The following TOX3 variants were observed in gnomAD, a reference collection of about 807,000 sequenced individuals.
TOX3 encodes the protein CAG trinucleotide repeat-containing gene F9 protein.
In TOX3, 22 loss-of-function variants were observed where a neutral mutation model predicts 64.3. That is an observed-to-expected ratio of 0.34 (90% CI 0.24 to 0.49). TOX3 has a LOEUF of 0.49. Among genes scored for constraint, TOX3 ranks in the 20% least tolerant of loss-of-function variants. The pLI, the probability that TOX3 is intolerant of heterozygous loss-of-function variation, is 0.99. For synonymous variants in TOX3, 291 were observed against 273.6 expected (o/e 1.06, Z -0.63); for missense variants, 661 against 714.4 (o/e 0.93, Z 0.85).
At chr16:52,536,159 A>G (rs2151487686) in intron 1 of TOX3, among the ~76,000 whole-genome samples, 1 of 152,312 alleles carries the variant, frequency 6.6e-6, no homozygotes, top group East Asian at 1.9e-4. Context: ...ATCCTCATGA[A>G]GTTTACATTT....
At chr16:52,498,588 T>TG (rs562582817) in intron 1 of TOX3, among the ~76,000 whole-genome samples, 2,051 of 150,490 alleles carry the variant, frequency 0.014, 34 homozygotes, top group African/African-American at 0.037. Context: ...TTTGTGGGGT[T>TG]GGGGGGGGGA....
At chr16:52,464,226 T>A in intron 2 of TOX3, 38 bp from the exon 3 acceptor site, 1 of 1,413,844 alleles carries the variant, frequency 7.1e-7, no homozygotes. Context: ...TCATATTCTG[T>A]TCCTATATCT....
chr16:52,523,372 G>A (rs1431377757), intron 1 of TOX3, among the ~76,000 whole-genome samples: 1 of 152,118 alleles, frequency 6.6e-6, no homozygotes, highest in African/African-American at 2.4e-5. Flanking sequence ...TTAAGACCAG[G>A]CTTTCCTCTG....
At chr16:52,502,772 A>C (rs1380210573) in intron 1 of TOX3, among the ~76,000 whole-genome samples, 1 of 152,234 alleles carries the variant, frequency 6.6e-6, no homozygotes, top group Non-Finnish European at 1.5e-5. Context: ...AAATTTTAAA[A>C]CACTACCAAA....
At chr16:52,485,080 CATGT>C (rs1267036067) in intron 1 of TOX3, among the ~76,000 whole-genome samples, 2 of 147,956 alleles carry the variant, frequency 1.4e-5, no homozygotes, top group East Asian at 2.0e-4. Context: ...CACATATATA[CATGT>C]ATGTGTGTGT....
rs181030122 is a variant in TOX3, at chr16:52,487,439, C to T, written c.88-18865G>A. ...ATATATCAGAAAGTAATGTAGATTG[C>T]TTTCACTTCAAGAACTAACAGCTCT... On this transcript the variant is annotated intron_variant, in intron 1 of 6. Transcript: ENST00000219746. Among the ~76,000 whole-genome samples, 9 of 152,222 alleles carry T rather than the reference C, an allele frequency of 5.9e-5. No homozygotes were observed. The East Asian group carries it at 1.7e-3, about 29-fold the overall frequency.
In TOX3 at chr16:52,439,723, A is replaced by G. The variant is rs769039398; in HGVS notation, c.1233T>C (p.Ile411=). The change falls in exon 7 of 7, where the codon ATT becomes ATC. Residue 411 remains isoleucine (I), a synonymous_variant. Transcript: ENST00000219746. ...VTIAANMPSN[I]GAPLISSMGT... is the part of the protein sequence containing the mutation. Reference sequence around the variant, plus strand: ...CCATGGAGCTTATCAGTGGAGCCCCAATGTTCGAGGGCATGTTGGCTGCAA... The same window carrying G: ...CCATGGAGCTTATCAGTGGAGCCCCGATGTTCGAGGGCATGTTGGCTGCAA... The G allele has an allele frequency of 1.9e-6, 3 of 1,613,932 alleles. No individual in the cohort carries two copies. In the Admixed American group the frequency reaches 5.0e-5, roughly 27 times the overall value.
intron 1 of TOX3, among the ~76,000 whole-genome samples, chr16:52,496,077 AT>A (rs745381224): frequency 2.0e-5 from 3 of 152,216 alleles, no homozygotes; most frequent in Non-Finnish European, 2.9e-5. Flanking sequence ...GCCAAATAAA[AT>A]AGTAACTGGG....
At chr16:52,530,493 C>G (rs770875233) in intron 1 of TOX3, among the ~76,000 whole-genome samples, 1 of 151,986 alleles carries the variant, frequency 6.6e-6, no homozygotes, top group Non-Finnish European at 1.5e-5. Context: ...CCTGCCACCA[C>G]GCCCGGCTAC....
At chr16:52,500,225 T>C (rs1429563623) in intron 1 of TOX3, among the ~76,000 whole-genome samples, 5 of 152,348 alleles carry the variant, frequency 3.3e-5, no homozygotes, top group African/African-American at 1.2e-4. Context: ...TTCCTTCTCA[T>C]GTGTTTTAAA....
chr16:52,533,597 T>G (rs1962893186), intron 1 of TOX3, among the ~76,000 whole-genome samples: 1 of 152,344 alleles, frequency 6.6e-6, no homozygotes, highest in Non-Finnish European at 1.5e-5. Context: ...GTGTTTATTT[T>G]TAGGATTTTC....
intron 1 of TOX3, among the ~76,000 whole-genome samples, chr16:52,546,136 C>T (rs1432642966): frequency 2.6e-5 from 4 of 151,998 alleles, no homozygotes; most frequent in African/African-American, 9.7e-5. Context: ...CCTGTCCAGG[C>T]ATACTCAAAA....
chr16:52,463,883 T>A, intron 3 of TOX3, 51 bp downstream of exon 3: 1 of 1,474,062 alleles, frequency 6.8e-7, no homozygotes, highest in Non-Finnish European at 9.0e-7. Flanking sequence ...ATCTTTACTA[T>A]GATTTGTGCA....
chr16:52,545,943 G>T (rs1963168575), intron 1 of TOX3, among the ~76,000 whole-genome samples: 1 of 152,164 alleles, frequency 6.6e-6, no homozygotes, highest in Non-Finnish European at 1.5e-5. Flanking sequence ...CCAGGGTGTG[G>T]TGTGGAGGTC....
At chr16:52,539,791 G>A (rs537758207) in intron 1 of TOX3, among the ~76,000 whole-genome samples, 15 of 152,004 alleles carry the variant, frequency 9.9e-5, no homozygotes, top group Middle Eastern at 3.2e-3. Flanking sequence ...TCCTCTCTCC[G>A]CTCTGCTTCC....
chr16:52,513,113 G>C (rs886147721), intron 1 of TOX3, among the ~76,000 whole-genome samples: 1 of 152,130 alleles, frequency 6.6e-6, no homozygotes, highest in African/African-American at 2.4e-5. Context: ...TAAGAAAAAA[G>C]AAGTCCAGGC....
At chr16:52,526,750 C>A (rs1962734939) in intron 1 of TOX3, among the ~76,000 whole-genome samples, 1 of 152,194 alleles carries the variant, frequency 6.6e-6, no homozygotes, top group Non-Finnish European at 1.5e-5. Context: ...ACCAGGTAGT[C>A]TTTGCGATTT....
chr16:52,465,260 C>A (rs1960825859), intron 2 of TOX3, among the ~76,000 whole-genome samples: 1 of 151,486 alleles, frequency 6.6e-6, no homozygotes, highest in Admixed American at 6.6e-5. Flanking sequence ...GTGATCCACC[C>A]ACCTCGGCCT....
At chr16:52,459,516 C>T (rs771099568) in intron 3 of TOX3, among the ~76,000 whole-genome samples, 62 of 152,168 alleles carry the variant, frequency 4.1e-4, no homozygotes, top group Non-Finnish European at 7.5e-4. Context: ...TAGTTTTTGA[C>T]CGTAACTTGA....
Sources: allele counts gnomAD v4.1 joint callset (sites outside exome capture counted in the v4.1 genomes callset), GRCh38; gene constraint gnomAD v4.1.1; transcripts MANE v1.5; gene names NCBI Gene and HGNC (gene_info 2026-07-23, HGNC 2026-07-21).